PIK3CB: variants seen among roughly 807,000 people sequenced by gnomAD.
PIK3CB encodes phosphatidylinositol 4,5-bisphosphate 3-kinase catalytic subunit beta isoform.
Under a neutral mutation model 136.8 loss-of-function variants are expected in PIK3CB, and 39 were observed. The ratio of observed to expected loss-of-function variants is 0.29; its 90% CI spans 0.22 to 0.37. The LOEUF is 0.37. Ranked by LOEUF, PIK3CB falls within the 10% of genes least tolerant of loss-of-function variation. The pLI, the probability that PIK3CB is intolerant of heterozygous loss-of-function variation, is 1.00. For synonymous variants in PIK3CB, 428 were observed against 436.6 expected (o/e 0.98, Z 0.25); for missense variants, 868 against 1,275.4 (o/e 0.68, Z 4.87).
chr3:138,712,323 T>C lies in PIK3CB; in HGVS notation c.1303-19A>G, dbSNP rs764997751. 2.5e-6 allele frequency: 3 copies of C among 1,201,610 alleles called. No homozygotes were observed. Among genetic ancestry groups the C allele is most frequent in the African/African-American group, 3.1e-5 (2 of 64,980 alleles). 74.4% of individuals were successfully genotyped at this position (1,201,610 alleles called of 1,614,324 possible). A position where few individuals can be genotyped will look rare whatever the true frequency, so the allele number is the denominator to read the frequency against. On this transcript the variant is annotated intron_variant, in intron 9 of 23. Coordinates refer to ENST00000674063, the MANE Select transcript of PIK3CB (RefSeq NM_006219.3). The stretch of plus-strand genomic sequence containing the variant: ...GATAATGCTGTTGAAAAAGATACCA[T>C]TGCATAAATATGCTAAGAATAACTT...
chr3:138,811,881 G>T (rs780585017), intron 1 of PIK3CB, among the ~76,000 whole-genome samples: 2 of 152,032 alleles, frequency 1.3e-5, no homozygotes, highest in Non-Finnish European at 2.9e-5. Context: ...TGGAGCCCAG[G>T]AGTTCAAGAC....
At chr3:138,664,733 C>T (rs2043369780) in intron 20 of PIK3CB, among the ~76,000 whole-genome samples, 1 of 152,166 alleles carries the variant, frequency 6.6e-6, no homozygotes, top group African/African-American at 2.4e-5. Flanking sequence ...CATATATTCA[C>T]ATAATTAGAG....
Position 138,712,196 on chromosome 3 carries a change from T to A in PIK3CB, c.1399+12A>T. 1 of 1,370,066 alleles carries A rather than the reference T, an allele frequency of 7.3e-7. No homozygotes were observed. Among genetic ancestry groups the A allele is most frequent in the South Asian group, 1.2e-5 (1 of 82,348 alleles). The allele number at this position is 1,370,066 out of a possible 1,614,324, so 84.9% of individuals were successfully genotyped here. On this transcript the variant is annotated intron_variant, in intron 10 of 23. Coordinates refer to ENST00000674063, the MANE Select transcript of PIK3CB (RefSeq NM_006219.3). ...TATGCTTTAACACTAAGGATAAGAA[T>A]GTAAATCTTACCAGGAAATGAAGAC...
intron 19 of PIK3CB, among the ~76,000 whole-genome samples, chr3:138,673,839 T>A (rs1559804912): frequency 6.6e-6 from 1 of 152,140 alleles, no homozygotes; most frequent in Non-Finnish European, 1.5e-5. Context: ...TGACAGCCAC[T>A]AGAGGAAAGA....
At chr3:138,825,585 GAA>G in intron 1 of PIK3CB, 1 of 632,872 alleles carries the variant, frequency 1.6e-6, no homozygotes, top group Non-Finnish European at 2.9e-6. Context: ...TCATGGGATA[GAA>G]AGTCACCCAT....
At chr3:138,793,062 CAT>C (rs2046070857) in intron 2 of PIK3CB, among the ~76,000 whole-genome samples, 1 of 152,124 alleles carries the variant, frequency 6.6e-6, no homozygotes, top group Non-Finnish European at 1.5e-5. Flanking sequence ...TTAGGAAAAA[CAT>C]AGGGCAGCTA....
chr3:138,659,657 G>T (rs1335579104), intron 21 of PIK3CB, among the ~76,000 whole-genome samples: 1 of 152,088 alleles, frequency 6.6e-6, no homozygotes, highest in Non-Finnish European at 1.5e-5. Context: ...CTAAACTCTG[G>T]TATGTGGCCT....
At chr3:138,678,264 C>T (rs866004869) in intron 19 of PIK3CB, among the ~76,000 whole-genome samples, 8 of 152,020 alleles carry the variant, frequency 5.3e-5, no homozygotes, top group Non-Finnish European at 1.0e-4. Flanking sequence ...GAGTTTGTGG[C>T]TGCAGTGAGC....
At chr3:138,740,666 T>G (rs1184056376) in intron 5 of PIK3CB, among the ~76,000 whole-genome samples, 1 of 152,126 alleles carries the variant, frequency 6.6e-6, no homozygotes. Flanking sequence ...GTACCTTTTT[T>G]TTTTGAGACA....
chr3:138,659,378 G>A (rs2043246990), intron 21 of PIK3CB, among the ~76,000 whole-genome samples: 1 of 152,108 alleles, frequency 6.6e-6, no homozygotes, highest in African/African-American at 2.4e-5. Context: ...ACTGGGCGTG[G>A]TGGCGCATGC....
At chr3:138,742,424 C>T (rs2045264109) in intron 5 of PIK3CB, 134 bp downstream of exon 5, 1 of 582,956 alleles carries the variant, frequency 1.7e-6, no homozygotes, top group Non-Finnish European at 3.0e-6. Flanking sequence ...AAATACATTT[C>T]TATCTGAAAT....
intron 2 of PIK3CB, among the ~76,000 whole-genome samples, chr3:138,780,148 A>G (rs2045907441): frequency 6.6e-6 from 1 of 151,940 alleles, no homozygotes; most frequent in African/African-American, 2.4e-5. Context: ...TAGTAGAGAC[A>G]GAGTTTTGCT....
intron 8 of PIK3CB, among the ~76,000 whole-genome samples, chr3:138,730,715 G>C (rs1402020698): frequency 6.6e-6 from 1 of 152,090 alleles, no homozygotes; most frequent in Admixed American, 6.6e-5. Flanking sequence ...TTGAGGCTAG[G>C]AGTTCAAGAC....
chr3:138,770,924 C>A (rs2045791308), intron 2 of PIK3CB, among the ~76,000 whole-genome samples: 1 of 151,908 alleles, frequency 6.6e-6, no homozygotes, highest in Admixed American at 6.6e-5. Flanking sequence ...GTTGGCCAGG[C>A]TAGTCTTGAA....
In PIK3CB at chr3:138,699,076, A is replaced by G. The variant is rs1201442452; in HGVS notation, c.1601T>C (p.Phe534Ser). Residue 534 changes from phenylalanine (F) to serine (S), a missense_variant, in exon 13 of 24, where the codon TTT becomes TCT. Physicochemically the swap from Phe to Ser is radical, Grantham distance 155. Around this residue, in one of 4 missense-constraint regions of PIK3CB, gnomAD observed 612 missense variants for 801.1 expected, o/e 0.76. Coordinates refer to ENST00000674063, the MANE Select transcript of PIK3CB (RefSeq NM_006219.3). ...ANVSSRGGKK[F>S]LPVLKEILDR... ...CAAGATTTCTTTCAATACAGGAAGA[A>G]ACTTTTTTCCACCTCGACTCTAAAA... 2 of 1,567,808 alleles carry G rather than the reference A, an allele frequency of 1.3e-6. No homozygotes were observed. Among genetic ancestry groups the G allele is most frequent in the African/African-American group, 2.7e-5 (2 of 74,274 alleles).
At chr3:138,722,956 T>C (rs1352622586) in intron 8 of PIK3CB, among the ~76,000 whole-genome samples, 1 of 151,826 alleles carries the variant, frequency 6.6e-6, no homozygotes, top group Non-Finnish European at 1.5e-5. Flanking sequence ...GCTTGAGAAA[T>C]CTCTGTGTAA....
intron 2 of PIK3CB, among the ~76,000 whole-genome samples, chr3:138,767,097 C>T (rs1387069419): frequency 6.6e-6 from 1 of 151,874 alleles, no homozygotes; most frequent in African/African-American, 2.4e-5. Flanking sequence ...TCGATTGAAC[C>T]TGGGAGGCAG....
chr3:138,705,200 A>AAAAAAAAAAAAAAAT (rs2044353746), intron 11 of PIK3CB, among the ~76,000 whole-genome samples: 3 of 144,170 alleles, frequency 2.1e-5, no homozygotes, highest in Non-Finnish European at 4.5e-5. Context: ...CAAAAAAAAA[A>AAAAAAAAAAAAAAAT]ACTTATATTT....
At chr3:138,731,858 C>T (rs1303315900) in intron 8 of PIK3CB, among the ~76,000 whole-genome samples, 1 of 151,678 alleles carries the variant, frequency 6.6e-6, no homozygotes, top group Non-Finnish European at 1.5e-5. Context: ...TGGCGTGTGC[C>T]TGTAGTCCCA....
Sources: gnomAD v4.1 joint callset for allele counts (sites outside exome capture counted in the v4.1 genomes callset) on GRCh38, gnomAD v4.1.1 for gene constraint, gnomAD v4.1.1 regional missense constraint, MANE v1.5 for transcripts, NCBI Gene and HGNC (gene_info 2026-07-23, HGNC 2026-07-21) for gene names.